Variants in LYVE1 observed in about 807,000 individuals in gnomAD.
LYVE1 encodes the protein lymphatic vessel endothelial hyaluronic acid receptor 1.
Under a neutral mutation model 31.5 loss-of-function variants are expected in LYVE1, and 29 were observed. That is an observed-to-expected ratio of 0.92 (90% CI 0.69 to 1.26). The LOEUF (loss-of-function observed/expected upper bound fraction) is 1.26. LYVE1 is among the 50% of genes most tolerant of loss of function. LYVE1 has a pLI of 0.00. For synonymous variants in LYVE1, 134 were observed against 139.4 expected, an observed-to-expected ratio of 0.96 and a Z score of 0.27; for missense variants, 376 against 380.2, an observed-to-expected ratio of 0.99 and a Z score of 0.09.
rs779489417 is a variant in LYVE1, at chr11:10,560,647, G to A, written c.551C>T (p.Thr184Ile). The change falls in exon 4 of 6, where the codon ACT (threonine) becomes ATT (isoleucine). Residue 184 changes from threonine to isoleucine, a missense_variant. Transcript: ENST00000256178. ...AGAAGTGGAAGCTGGAGCAGGAGGA[G>A]TAGTAGTAGGGGCAGGTATTGTAGA... The part of the protein sequence containing the change: ...PYSTIPAPTT[T>I]PPAPASTSIP... The A allele has an allele frequency of 2.9e-5, 47 of 1,613,998 alleles. No individual in the cohort carries two copies. Among genetic ancestry groups the A allele is most frequent in the Non-Finnish European group, 3.6e-5 (42 of 1,179,980 alleles).
At chr11:10,564,678 A>T (rs1003009773) in intron 1 of LYVE1, among the ~76,000 whole-genome samples, 1 of 152,202 alleles carries the variant, frequency 6.6e-6, no homozygotes, top group Non-Finnish European at 1.5e-5. Flanking sequence ...GTGCAGTCTA[A>T]GGGATGCAGT....
intron 5 of LYVE1, 135 bp downstream of exon 5, chr11:10,559,681 G>T (rs1439453120): frequency 3.1e-5 from 21 of 680,240 alleles, no homozygotes; most frequent in Non-Finnish European, 5.0e-5. Context: ...GGAAAGAGAT[G>T]AGATGAGGGA....
intron 3 of LYVE1, 26 bp downstream of exon 3, chr11:10,563,914 G>A (rs371369270): frequency 3.0e-5 from 48 of 1,613,710 alleles, no homozygotes; most frequent in Non-Finnish European, 3.6e-5. Flanking sequence ...AGAATGCCAC[G>A]TGGAAAGGTT....
At position 10,559,205 on chromosome 11, in the gene LYVE1, T is replaced by A. The variant is rs1850367205; in HGVS notation, c.875A>T (p.Asn292Ile). The A allele has an allele frequency of 6.2e-7, 1 of 1,613,974 alleles. No homozygotes were observed. Reference protein sequence around the residue: ...VVKEEKANDSNPNEESKKTDK... With the variant: ...VVKEEKANDSIPNEESKKTDK... Reference sequence around the variant, plus strand: ...AGTTTTCTTTGATTCCTCATTAGGGTTGCTATCATTGGCCTTCTCCTCCTT... The same window carrying A: ...AGTTTTCTTTGATTCCTCATTAGGGATGCTATCATTGGCCTTCTCCTCCTT... The change falls in exon 6 of 6, where the codon AAC becomes ATC. Residue 292 changes from asparagine (N) to isoleucine (I), a missense_variant. Coordinates refer to ENST00000256178, the MANE Select transcript of LYVE1 (RefSeq NM_006691.4).
In LYVE1 at chr11:10,564,095, C is replaced by T. The variant is rs1203982958; in HGVS notation, c.258-16G>A. 1 of 1,614,158 alleles carries T rather than the reference C, an allele frequency of 6.2e-7. No individual in the cohort carries two copies. Among genetic ancestry groups the T allele is most frequent in the East Asian group, 2.2e-5 (1 of 44,890 alleles). On this transcript the variant is annotated splice_polypyrimidine_tract_variant and intron_variant, in intron 2 of 5. Transcript: ENST00000256178. The stretch of plus-strand genomic sequence containing the variant: ...CCAGCCATAGCTGTAAAAGAATACA[C>T]ACTAGTTGAACAGAAAAATGATTAG...
chr11:10,559,149 T>C lies in LYVE1; in HGVS notation c.931A>G (p.Ser311Gly). The change falls in exon 6 of 6, where the codon AGC (serine) becomes GGC (glycine). Residue 311 changes from serine (S) to glycine (G), a missense_variant. Physicochemically the swap from Ser to Gly is moderately conservative, Grantham distance 56. Transcript: ENST00000256178. ...TCCAGGCATCGCACGGTAGTTTTGC[T>C]TGGACTCTTGGACTCTTCTGGGTTT... is the stretch of plus-strand genomic sequence containing the variant. ...DKNPEESKSP[S>G]KTTVRCLEAE... 6 of 1,614,132 alleles carry C rather than the reference T, an allele frequency of 3.7e-6. No homozygotes were observed. The highest frequency in any genetic ancestry group is 5.1e-6 in the Non-Finnish European group (6 of 1,180,000).
At position 10,559,037 on chromosome 11, in the gene LYVE1, A is replaced by G; in HGVS notation, c.*74T>C. ...CTTCTTTGGTTCTTTGGCCCTTTTGATTTCCCCAGCTGGGGCAGGGTAAGG... is the reference window on the plus strand; with the variant it reads ...CTTCTTTGGTTCTTTGGCCCTTTTGGTTTCCCCAGCTGGGGCAGGGTAAGG... On this transcript the variant is annotated 3_prime_UTR_variant, in exon 6 of 6. Coordinates refer to ENST00000256178, the MANE Select transcript of LYVE1 (RefSeq NM_006691.4). The G allele has an allele frequency of 7.0e-7, 1 of 1,418,898 alleles. No individual in the cohort carries two copies. The highest frequency in any genetic ancestry group is 9.7e-7 in the Non-Finnish European group (1 of 1,036,230). 87.9% of individuals were successfully genotyped at this position (1,418,898 alleles called of 1,614,324 possible). A position where few individuals can be genotyped will look rare whatever the true frequency, so the allele number is the denominator to read the frequency against.
chr11:10,560,009 G>T, intron 4 of LYVE1, 115 bp from the exon 5 acceptor site: 1 of 707,378 alleles, frequency 1.4e-6, no homozygotes, highest in Non-Finnish European at 2.4e-6. Flanking sequence ...AACCTTCTCT[G>T]TAGCCCTTTA....
intron 1 of LYVE1, among the ~76,000 whole-genome samples, chr11:10,566,491 C>A (rs565120686): frequency 6.6e-6 from 1 of 152,082 alleles, no homozygotes; most frequent in African/African-American, 2.4e-5. Flanking sequence ...ACACACACAC[C>A]CCTAGGCTGA....
At position 10,560,642 on chromosome 11, in the gene LYVE1, G is replaced by A. The variant is rs1229136518; in HGVS notation, c.556C>T (p.Pro186Ser). 11 of 1,613,788 alleles carry A rather than the reference G, an allele frequency of 6.8e-6. No individual in the cohort carries two copies. Among genetic ancestry groups the A allele is most frequent in the Non-Finnish European group, 5.9e-6 (7 of 1,179,956 alleles). ...GGAATAGAAGTGGAAGCTGGAGCAG[G>A]AGGAGTAGTAGTAGGGGCAGGTATT... ...STIPAPTTTP[P>S]APASTSIPRR... The change falls in exon 4 of 6, where the codon CCT becomes TCT. Residue 186 changes from proline (P) to serine (S), a missense_variant. Physicochemically the swap from Pro to Ser is moderately conservative, Grantham distance 74. Coordinates refer to ENST00000256178, the MANE Select transcript of LYVE1 (RefSeq NM_006691.4).
chr11:10,567,600 C>T (rs1850567861), intron 1 of LYVE1, among the ~76,000 whole-genome samples: 2 of 152,198 alleles, frequency 1.3e-5, no homozygotes, highest in Admixed American at 6.5e-5. Context: ...TAGGAACACA[C>T]ATTTTCCTAT....
chr11:10,566,441 T>G (rs776439545), intron 1 of LYVE1, among the ~76,000 whole-genome samples: 1 of 152,152 alleles, frequency 6.6e-6, no homozygotes, highest in Non-Finnish European at 1.5e-5. Context: ...GACACTGTTT[T>G]ACCTTTCACA....
intron 2 of LYVE1, 33 bp from the exon 3 acceptor site, chr11:10,564,112 A>G (rs758068508): frequency 6.2e-7 from 1 of 1,614,040 alleles, no homozygotes; most frequent in Non-Finnish European, 8.5e-7. Context: ...TGAACAGAAA[A>G]ATGATTAGAA....
In LYVE1 at chr11:10,559,248, T is replaced by C. The variant is rs1282234242; in HGVS notation, c.832A>G (p.Ile278Val). Residue 278 changes from isoleucine to valine, a missense_variant, in exon 6 of 6, where the codon ATC (isoleucine) becomes GTC (valine). By Grantham distance (29) the Ile-to-Val change is conservative. Coordinates refer to ENST00000256178, the MANE Select transcript of LYVE1 (RefSeq NM_006691.4). ...FTNKNQQKEM[I>V]ETKVVKEEKA... ...TCCTCCTTTACTACTTTGGTTTCGA[T>C]CATTTCCTTCTGCTGATTCTTGTTT... The C allele has an allele frequency of 6.2e-7, 1 of 1,614,156 alleles. No homozygotes were observed.
rs370131924 is a variant in LYVE1, at chr11:10,560,644, G to A, written c.554C>T (p.Pro185Leu). The A allele has an allele frequency of 6.2e-7, 1 of 1,614,052 alleles. No individual in the cohort carries two copies. The highest frequency in any genetic ancestry group is 8.5e-7 in the Non-Finnish European group (1 of 1,180,018). The change falls in exon 4 of 6, where the codon CCT becomes CTT. Residue 185 changes from proline to leucine, a missense_variant. By Grantham distance (98) the Pro-to-Leu change is moderately conservative (BLOSUM62 -3). Transcript: ENST00000256178. Reference sequence around the variant, plus strand: ...AATAGAAGTGGAAGCTGGAGCAGGAGGAGTAGTAGTAGGGGCAGGTATTGT... The same window carrying A: ...AATAGAAGTGGAAGCTGGAGCAGGAAGAGTAGTAGTAGGGGCAGGTATTGT... ...YSTIPAPTTTPPAPASTSIPR... is the reference protein window; with the variant it reads ...YSTIPAPTTTLPAPASTSIPR...
At chr11:10,559,541 A>G (rs115130460) in intron 5 of LYVE1, among the ~76,000 whole-genome samples, 1,540 of 152,328 alleles carry the variant, frequency 0.01, 22 homozygotes, top group African/African-American at 0.035. Context: ...ACAAAGAACC[A>G]AAAATCAAAT....
intron 1 of LYVE1, among the ~76,000 whole-genome samples, chr11:10,566,881 A>G (rs1399974995): frequency 6.6e-6 from 1 of 152,216 alleles, no homozygotes; most frequent in Non-Finnish European, 1.5e-5. Context: ...GAAGTCAACA[A>G]CATTAGTCAT....
At chr11:10,560,356 G>T in intron 4 of LYVE1, 139 bp downstream of exon 4, 2 of 708,206 alleles carry the variant, frequency 2.8e-6, no homozygotes, top group Non-Finnish European at 4.5e-6. Context: ...ATGACTTCAT[G>T]AAAGTTGAGT....
chr11:10,562,132 A>G (rs1235646959), intron 3 of LYVE1, among the ~76,000 whole-genome samples: 1 of 152,226 alleles, frequency 6.6e-6, no homozygotes, highest in Non-Finnish European at 1.5e-5. Context: ...TCACATTGCC[A>G]GCTGGCAGGA....
Sources: gnomAD v4.1 joint callset for allele counts (sites outside exome capture counted in the v4.1 genomes callset) on GRCh38, gnomAD v4.1.1 for gene constraint, MANE v1.5 for transcripts, NCBI Gene and HGNC (gene_info 2026-07-23, HGNC 2026-07-21) for gene names.